MSH3: variants seen among roughly 807,000 people sequenced by gnomAD.
MSH3 encodes mutS homolog 3.
A neutral mutation model predicts 123.3 loss-of-function variants in MSH3; 106 were observed. The ratio of observed to expected loss-of-function variants is 0.86; its 90% CI spans 0.73 to 1.01. MSH3 has a LOEUF of 1.01. MSH3 is among the 50% of genes least tolerant of loss of function. The pLI, the probability that MSH3 is intolerant of heterozygous loss-of-function variation, is 0.00. For missense variants in MSH3, 1,459 were observed against 1,347.6 expected (o/e 1.08, Z -1.29); for synonymous variants, 515 against 481.4 (o/e 1.07, Z -0.91).
rs1750633477 is a variant in MSH3 at position 80,702,483 on chromosome 5, T to G, written c.1341-22970T>G. ...CCACTGGGAGCAGAGGAGTGCTAGG[T>G]ATCGCATGGCATATTTAAGATAGTT... On this transcript the variant is annotated intron_variant, in intron 8 of 23. Transcript: ENST00000265081. Among the ~76,000 whole-genome samples, 3 of 152,150 alleles carry G rather than the reference T, an allele frequency of 2.0e-5. No individual in the cohort carries two copies. In the South Asian group the frequency reaches 6.2e-4, roughly 32 times the overall value.
chr5:80,756,525 A>G (rs746654292), intron 12 of MSH3, among the ~76,000 whole-genome samples: 11 of 152,142 alleles, frequency 7.2e-5, no homozygotes, highest in Non-Finnish European at 1.6e-4. Context: ...TTTTATAGAC[A>G]ATAGCTAATC....
chr5:80,693,685 T>A (rs1750401631), intron 8 of MSH3, among the ~76,000 whole-genome samples: 1 of 150,992 alleles, frequency 6.6e-6, no homozygotes, highest in South Asian at 2.1e-4. Flanking sequence ...GAGATGGGAG[T>A]CTCACTCTGT....
At chr5:80,776,313 C>T (rs1744298271) in intron 16 of MSH3, among the ~76,000 whole-genome samples, 1 of 151,958 alleles carries the variant, frequency 6.6e-6, no homozygotes, top group African/African-American at 2.4e-5. Flanking sequence ...TAAATTATTG[C>T]TTTATTTTTA....
chr5:80,783,161 A>G (rs906656459), intron 17 of MSH3, among the ~76,000 whole-genome samples: 7 of 152,244 alleles, frequency 4.6e-5, no homozygotes, highest in Non-Finnish European at 8.8e-5. Context: ...TCATAACACT[A>G]TAACAGCTTT....
intron 9 of MSH3, among the ~76,000 whole-genome samples, chr5:80,725,933 T>C (rs142980875): frequency 1.3e-5 from 2 of 152,264 alleles, no homozygotes; most frequent in East Asian, 3.9e-4. Context: ...TTCATCAGAG[T>C]GGAAGGAGTT....
chr5:80,829,715 G>A (rs950596809), intron 20 of MSH3, among the ~76,000 whole-genome samples: 3 of 152,082 alleles, frequency 2.0e-5, no homozygotes, highest in Non-Finnish European at 2.9e-5. Context: ...GCCTTTGTCC[G>A]GTTTTGGTAT....
intron 20 of MSH3, among the ~76,000 whole-genome samples, chr5:80,849,934 T>C (rs1433190571): frequency 6.6e-6 from 1 of 152,180 alleles, no homozygotes; most frequent in Non-Finnish European, 1.5e-5. Context: ...TTTTCCAAAC[T>C]TTTATACTCT....
At chr5:80,661,664 A>C (rs1677698) in intron 2 of MSH3, among the ~76,000 whole-genome samples, 41,125 of 152,142 alleles carry the variant, frequency 0.27, 5,762 homozygotes, top group Middle Eastern at 0.35. Context: ...ATTGCATCAT[A>C]TCTGTCATTT....
At chr5:80,846,764 A>G (rs1028935278) in intron 20 of MSH3, among the ~76,000 whole-genome samples, 2 of 152,218 alleles carry the variant, frequency 1.3e-5, no homozygotes, top group African/African-American at 4.8e-5. Flanking sequence ...TGCAAAGACC[A>G]TGGGAAAAGT....
At chr5:80,659,102 C>G (rs561825314) in intron 2 of MSH3, among the ~76,000 whole-genome samples, 1 of 151,952 alleles carries the variant, frequency 6.6e-6, no homozygotes, top group South Asian at 2.1e-4. Context: ...GATGTGGTGG[C>G]GGGCGCCAGT....
intron 16 of MSH3, 40 bp downstream of exon 16, chr5:80,775,798 A>G (rs755625692): frequency 6.4e-6 from 7 of 1,085,398 alleles, no homozygotes; most frequent in Admixed American, 3.4e-5. Flanking sequence ...ATGCATTATG[A>G]TGACATCTGT....
intron 12 of MSH3, among the ~76,000 whole-genome samples, chr5:80,759,616 A>C (rs1253850864): frequency 1.3e-5 from 2 of 152,194 alleles, no homozygotes; most frequent in South Asian, 2.1e-4. Context: ...ACCTAAGATT[A>C]ATAGCAAGTC....
At chr5:80,669,772 A>G (rs1213107034) in intron 3 of MSH3, among the ~76,000 whole-genome samples, 1 of 152,238 alleles carries the variant, frequency 6.6e-6, no homozygotes, top group Non-Finnish European at 1.5e-5. Context: ...AGAATAAATA[A>G]TAAAAAGAAA....
At chr5:80,831,842 CTG>C (rs1421920474) in intron 20 of MSH3, among the ~76,000 whole-genome samples, 1 of 152,166 alleles carries the variant, frequency 6.6e-6, no homozygotes, top group Non-Finnish European at 1.5e-5. Flanking sequence ...GGCGTGGTGG[CTG>C]ACTCCTGTAA....
At chr5:80,682,759 T>G (rs1395096670) in intron 8 of MSH3, among the ~76,000 whole-genome samples, 1 of 152,238 alleles carries the variant, frequency 6.6e-6, no homozygotes, top group African/African-American at 2.4e-5. Context: ...TATTTTAAAA[T>G]GTACAATTAA....
At chr5:80,784,231 A>AGG (rs1744461828) in intron 17 of MSH3, among the ~76,000 whole-genome samples, 2 of 132,844 alleles carry the variant, frequency 1.5e-5, no homozygotes, top group Admixed American at 7.4e-5. Context: ...AAAAAAAAAA[A>AGG]AAAAAAAAGG....
intron 17 of MSH3, 65 bp downstream of exon 17, chr5:80,778,901 T>A: frequency 1.1e-6 from 1 of 949,568 alleles, no homozygotes; most frequent in South Asian, 1.3e-5. Flanking sequence ...GAAAAATCTT[T>A]CCATCAAAAA....
chr5:80,773,019 A>T (rs1302962205), intron 15 of MSH3, among the ~76,000 whole-genome samples: 1 of 152,176 alleles, frequency 6.6e-6, no homozygotes, highest in Non-Finnish European at 1.5e-5. Context: ...GTGCTCCTAG[A>T]GTAGAACTTT....
intron 13 of MSH3, among the ~76,000 whole-genome samples, chr5:80,766,236 A>G (rs912899645): frequency 4.6e-5 from 7 of 151,840 alleles, no homozygotes; most frequent in Non-Finnish European, 8.8e-5. Flanking sequence ...ACAGTTTAAA[A>G]TTCAGATACC....
Sources: allele counts gnomAD v4.1 joint callset (sites outside exome capture counted in the v4.1 genomes callset), GRCh38; gene constraint gnomAD v4.1.1; transcripts MANE v1.5; gene names NCBI Gene and HGNC (gene_info 2026-07-23, HGNC 2026-07-21).